Variants in SYMPK observed in about 807,000 individuals in gnomAD.
The protein encoded by SYMPK is symplekin.
SYMPK carries 49 observed loss-of-function variants against 136.4 expected under a neutral mutation model. The ratio of observed to expected loss-of-function variants is 0.36; its 90% confidence interval spans 0.29 to 0.46. The LOEUF is 0.46. SYMPK is among the 20% of genes least tolerant of loss of function. SYMPK has a pLI of 1.00. For missense variants in SYMPK, 1,365 were observed against 1,690.0 expected (o/e 0.81, Z 3.37); for synonymous variants, 766 against 713.0 (o/e 1.07, Z -1.19).
At chr19:45,820,959 G>A in intron 22 of SYMPK, 1 of 584,340 alleles carries the variant, frequency 1.7e-6, no homozygotes, top group Non-Finnish European at 3.0e-6. Context: ...CCGCCCTGCA[G>A]GCAAGCTCTC....
In SYMPK at chr19:45,821,315, G is replaced by A. The variant is rs1299595056; in HGVS notation, c.2893+69C>T. 2 of 1,164,282 alleles carry A rather than the reference G, an allele frequency of 1.7e-6. No homozygotes were observed. The highest frequency in any genetic ancestry group is 1.3e-6 in the Non-Finnish European group (1 of 774,638). 72.1% of individuals were successfully genotyped at this position (1,164,282 alleles called of 1,614,324 possible). On this transcript the variant is annotated intron_variant, in intron 22 of 26. Transcript: ENST00000245934. The surrounding 1 kb of genome is among the most constrained non-coding windows in gnomAD (Gnocchi z 4.4). ...ACTTGGCAGATTCCAGTGGGGGCAT[G>A]TGGGTGACTGAGGTCCTGCCCTGGC... is the stretch of plus-strand genomic sequence containing the variant.
At chr19:45,851,869 T>G (rs1187049063) in intron 5 of SYMPK, among the ~76,000 whole-genome samples, 2 of 152,042 alleles carry the variant, frequency 1.3e-5, no homozygotes, top group Non-Finnish European at 2.9e-5. Flanking sequence ...TGAGCGAGAC[T>G]CCGTCTCAAA....
chr19:45,844,743 C>G (rs150379973), intron 7 of SYMPK, among the ~76,000 whole-genome samples: 2 of 152,028 alleles, frequency 1.3e-5, no homozygotes, highest in African/African-American at 4.8e-5. Flanking sequence ...GACTAGAATA[C>G]ATGTGTATAT....
intron 16 of SYMPK, 73 bp from the exon 17 acceptor site, chr19:45,826,446 G>A: frequency 1.3e-6 from 2 of 1,525,040 alleles, no homozygotes; most frequent in Non-Finnish European, 9.0e-7. Flanking sequence ...TGCGAGCATG[G>A]CAACACTCAC....
intron 23 of SYMPK, among the ~76,000 whole-genome samples, chr19:45,817,417 C>CTCTCTTTTTTTTTTT (rs1568605965): frequency 9.2e-6 from 1 of 108,478 alleles, no homozygotes; most frequent in Non-Finnish European, 1.9e-5. Context: ...TTTTTGTTCT[C>CTCTCTTTTTTTTTTT]TTTTTTTTTT....
chr19:45,858,671 A>G (rs1971890476), intron 1 of SYMPK, among the ~76,000 whole-genome samples: 1 of 151,940 alleles, frequency 6.6e-6, no homozygotes, highest in Non-Finnish European at 1.5e-5. Context: ...ATGTGCCACC[A>G]CGCCTGGCTA....
chr19:45,852,212 G>A, intron 5 of SYMPK, 100 bp downstream of exon 5: 1 of 1,197,546 alleles, frequency 8.4e-7, no homozygotes, highest in East Asian at 2.3e-5. Flanking sequence ...GGTCTGGGAA[G>A]CAGAGGGCAG....
At chr19:45,854,303 G>A (rs1971768149) in intron 2 of SYMPK, 63 bp from the exon 3 acceptor site, 14 of 1,606,108 alleles carry the variant, frequency 8.7e-6, no homozygotes, top group South Asian at 3.3e-5. Context: ...CAGCCCCCTC[G>A]GCACTCCCAG....
chr19:45,859,320 T>C (rs1045826601), intron 1 of SYMPK, among the ~76,000 whole-genome samples: 3 of 144,164 alleles, frequency 2.1e-5, no homozygotes, highest in African/African-American at 7.7e-5. Flanking sequence ...AAAAAGGGCA[T>C]GGTGTGGTGG....
intron 11 of SYMPK, among the ~76,000 whole-genome samples, chr19:45,834,028 C>T (rs1221392539): frequency 6.6e-6 from 1 of 152,160 alleles, no homozygotes; most frequent in East Asian, 1.9e-4. Flanking sequence ...TGGCTCACAC[C>T]TGTAATCCCA....
In SYMPK at chr19:45,847,839, G is replaced by C. The variant is rs555466334; in HGVS notation, c.589C>G (p.Arg197Gly). 1 of 1,613,932 alleles carries C rather than the reference G, an allele frequency of 6.2e-7. No individual in the cohort carries two copies. Among genetic ancestry groups the C allele is most frequent in the Admixed American group, 1.7e-5 (1 of 59,958 alleles). Residue 197 changes from arginine (R) to glycine (G), a missense_variant, in exon 7 of 27, where the codon CGC (arginine) becomes GGC (glycine). By Grantham distance (125) the Arg-to-Gly change is moderately radical. Coordinates refer to ENST00000245934, the MANE Select transcript of SYMPK (RefSeq NM_004819.3). ...VEGLIVTLSPRMADSEIPRRQ... is the reference protein window; with the variant it reads ...VEGLIVTLSPGMADSEIPRRQ... The stretch of plus-strand genomic sequence containing the variant: ...CGGGGTATCTCTGAGTCAGCCATGC[G>C]GGGTGACAGGGTGACAATGAGGCCC...
In SYMPK at chr19:45,842,456, AC is replaced by A; in HGVS notation, c.880del (p.Val294Ter). The A allele has an allele frequency of 6.2e-7, 1 of 1,613,798 alleles. No individual in the cohort carries two copies. The highest frequency in any genetic ancestry group is 8.5e-7 in the Non-Finnish European group (1 of 1,179,830). ...CTTCAGATTCTTACGCACACTGCTC[AC>A]CTGCGATTTGGCCAGCGTCGGGGGC... ...NLPPTLAKSQ[V>X]SSVRKNLKLH... On this transcript the variant is annotated frameshift_variant, in exon 9 of 27. Transcript: ENST00000245934. LOFTEE classifies it high-confidence loss of function.
chr19:45,828,166 A>C, intron 14 of SYMPK: 1 of 467,752 alleles, frequency 2.1e-6, no homozygotes. Context: ...TCCTAACTTT[A>C]TTCACTGAAC....
intron 7 of SYMPK, among the ~76,000 whole-genome samples, chr19:45,845,963 G>C (rs974358462): frequency 6.6e-6 from 1 of 152,174 alleles, no homozygotes; most frequent in Non-Finnish European, 1.5e-5. Context: ...TAGGCCGGGC[G>C]CGGTGGCTCA....
Position 45,848,785 on chromosome 19 carries a change from G to T in SYMPK, c.391C>A (p.Leu131Ile). 1 of 1,613,908 alleles carries T rather than the reference G, an allele frequency of 6.2e-7. No individual in the cohort carries two copies. The highest frequency in any genetic ancestry group is 8.5e-7 in the Non-Finnish European group (1 of 1,180,024). Residue 131 changes from leucine to isoleucine, a missense_variant, in exon 6 of 27, where the codon CTC becomes ATC. Physicochemically the swap from Leu to Ile is conservative, Grantham distance 5. Coordinates refer to ENST00000245934, the MANE Select transcript of SYMPK (RefSeq NM_004819.3). The stretch of plus-strand genomic sequence containing the variant: ...ACCTTGTAGAGCTGGGTCATGGTGA[G>T]GATAGCCTTCTTCACCACGTTCACA... ...ENVNVVKKAI[L>I]TMTQLYKVAL...
At chr19:45,819,677 C>T (rs1027534846) in intron 22 of SYMPK, 1 of 152,326 alleles carries the variant, frequency 6.6e-6, no homozygotes, top group Non-Finnish European at 1.5e-5. Context: ...GGCTGTCTTT[C>T]CTGTGTCCCC....
intron 8 of SYMPK, among the ~76,000 whole-genome samples, 188 bp downstream of exon 8, chr19:45,843,842 G>A (rs905205685): frequency 6.6e-6 from 1 of 150,840 alleles, no homozygotes; most frequent in African/African-American, 2.4e-5. Context: ...TACTCGGGAG[G>A]CTGAGGCAGG....
At chr19:45,857,309 C>T (rs1488431351) in intron 1 of SYMPK, among the ~76,000 whole-genome samples, 1 of 142,004 alleles carries the variant, frequency 7.0e-6, no homozygotes, top group Non-Finnish European at 1.5e-5. Flanking sequence ...ACTCGGGAGG[C>T]TGAGGCAGGA....
chr19:45,852,626 G>A, intron 3 of SYMPK, 91 bp from the exon 4 acceptor site: 2 of 1,475,074 alleles, frequency 1.4e-6, no homozygotes, highest in East Asian at 4.5e-5. Flanking sequence ...GAAGACAGCA[G>A]AGGGCTAGGC....
Sources: allele counts gnomAD v4.1 joint callset (sites outside exome capture counted in the v4.1 genomes callset), GRCh38; gene constraint gnomAD v4.1.1; non-coding constraint Gnocchi (gnomAD v3.1); transcripts MANE v1.5; gene names NCBI Gene and HGNC (gene_info 2026-07-23, HGNC 2026-07-21).